Variants in SPIRE2 observed in about 807,000 individuals in gnomAD.
SPIRE2 encodes protein spire homolog 2.
SPIRE2 carries 76 observed loss-of-function variants against 80.7 expected under a neutral mutation model. That is an observed-to-expected ratio of 0.94 (90% CI 0.78 to 1.14). The LOEUF (loss-of-function observed/expected upper bound fraction) is 1.14. Ranked by LOEUF, SPIRE2 falls within the 50% of genes most tolerant of loss-of-function variation. SPIRE2 has a pLI of 0.00. For missense variants in SPIRE2, 1,196 were observed against 1,015.3 expected, an observed-to-expected ratio of 1.18 and a Z score of -2.42; for synonymous variants, 535 against 432.6, an observed-to-expected ratio of 1.24 and a Z score of -2.94.
intron 12 of SPIRE2, 145 bp downstream of exon 12, chr16:89,864,006 G>C: frequency 1.7e-6 from 1 of 591,136 alleles, no homozygotes. Flanking sequence ...TGGTTAGTAC[G>C]AATGAGGAGT....
At chr16:89,849,922 C>G (rs1211508546) in intron 2 of SPIRE2, 4 of 363,880 alleles carry the variant, frequency 1.1e-5, no homozygotes, top group African/African-American at 2.1e-5. Flanking sequence ...ACTGCAACCT[C>G]CACCTCCCAG....
chr16:89,857,330 C>A (rs1212134528), intron 7 of SPIRE2, among the ~76,000 whole-genome samples: 1 of 151,494 alleles, frequency 6.6e-6, no homozygotes, highest in African/African-American at 2.4e-5. Flanking sequence ...GAGACAGGGT[C>A]TCACTCTGTT....
rs2041827635 is a variant in SPIRE2 at position 89,870,184 on chromosome 16, G to C, written c.2057G>C (p.Ser686Thr). Residue 686 changes from serine to threonine, a missense_variant, in exon 15 of 15, where the codon AGC (serine) becomes ACC (threonine). By Grantham distance (58) the Ser-to-Thr change is moderately conservative. Coordinates refer to ENST00000378247, the MANE Select transcript of SPIRE2 (RefSeq NM_032451.2). Reference protein sequence around the residue: ...VADVVRSSRKSVDVLNTTPRR... With the variant: ...VADVVRSSRKTVDVLNTTPRR... ...GACGTGGTGCGTTCCAGCCGCAAGA[G>C]CGTGGACGTCCTCAACACTACGCCA... 1.2e-6 allele frequency: 2 copies of C among 1,610,532 alleles called. No individual in the cohort carries two copies. Among genetic ancestry groups the C allele is most frequent in the Non-Finnish European group, 1.7e-6 (2 of 1,178,548 alleles).
intron 1 of SPIRE2, among the ~76,000 whole-genome samples, chr16:89,832,560 C>T (rs1048361102): frequency 1.3e-5 from 2 of 152,050 alleles, no homozygotes; most frequent in Non-Finnish European, 2.9e-5. Context: ...CTGTTAGCAG[C>T]TTCCTGACTC....
intron 1 of SPIRE2, among the ~76,000 whole-genome samples, chr16:89,831,920 C>T (rs1186410495): frequency 7.2e-6 from 1 of 139,394 alleles, no homozygotes; most frequent in Non-Finnish European, 1.7e-5. Context: ...CTGTTCATCT[C>T]GCGGCCTGTG....
chr16:89,832,465 G>A (rs1229119234), intron 1 of SPIRE2, among the ~76,000 whole-genome samples: 6 of 152,198 alleles, frequency 3.9e-5, no homozygotes, highest in Non-Finnish European at 8.8e-5. Context: ...TGCTCCCAGA[G>A]GAGATAATAT....
chr16:89,837,129 A>G (rs890914015), intron 1 of SPIRE2, among the ~76,000 whole-genome samples: 12 of 152,160 alleles, frequency 7.9e-5, no homozygotes, highest in African/African-American at 2.9e-4. Flanking sequence ...TCCCTCGAGC[A>G]GGACTCGAGG....
rs1297375172 is a variant in SPIRE2 at position 89,855,768 on chromosome 16, C to T, written c.978+82C>T. On this transcript the variant is annotated intron_variant, in intron 6 of 14. Transcript: ENST00000378247. ...AGCCAGCCTGGGAGGTGTCCCAGCA[C>T]GTCTTCCTGTGGCCAGCCTGGGAGG... The T allele has an allele frequency of 2.9e-5, 40 of 1,401,778 alleles. No homozygotes were observed. The South Asian group carries it at 3.7e-4, about 13-fold the overall frequency. 86.8% of individuals were successfully genotyped at this position (1,401,778 alleles called of 1,614,324 possible).
intron 2 of SPIRE2, chr16:89,845,572 G>A: frequency 1.4e-6 from 1 of 705,732 alleles, no homozygotes; most frequent in Non-Finnish European, 2.6e-6. Flanking sequence ...GGTGGGGAGG[G>A]TCCCCGTGGT....
chr16:89,829,324 T>C (rs2041357368), intron 1 of SPIRE2, among the ~76,000 whole-genome samples: 1 of 152,164 alleles, frequency 6.6e-6, no homozygotes, highest in South Asian at 2.1e-4. Context: ...ACCTGCTTGG[T>C]GTTTCTATTC....
chr16:89,836,118 T>C (rs1449536138), intron 1 of SPIRE2: 2 of 443,870 alleles, frequency 4.5e-6, no homozygotes, highest in African/African-American at 4.0e-5. Flanking sequence ...GAGGTTGTAG[T>C]GAGTCGAGAT....
intron 2 of SPIRE2, 168 bp from the exon 3 acceptor site, chr16:89,850,136 G>A (rs1196593497): frequency 2.7e-6 from 2 of 728,660 alleles, no homozygotes; most frequent in African/African-American, 3.5e-5. Context: ...GCGCCCGGCC[G>A]GGAACATCCT....
chr16:89,833,005 T>G (rs959753600), intron 1 of SPIRE2, among the ~76,000 whole-genome samples: 1 of 144,516 alleles, frequency 6.9e-6, no homozygotes, highest in African/African-American at 2.6e-5. Context: ...TTTTTTTTTT[T>G]TGTGAGACAG....
Position 89,850,458 on chromosome 16 carries a change from G to T in SPIRE2, c.443G>T (p.Gly148Val). The T allele has an allele frequency of 1.3e-6, 2 of 1,562,706 alleles. No homozygotes were observed. Among genetic ancestry groups the T allele is most frequent in the Admixed American group, 1.8e-5 (1 of 54,358 alleles). ...EDSGCGAADE[G>V]YGGPEEEEEA... ...AGCGGCTGCGGTGCCGCCGATGAGGGCTACGGGGGTCCCGAGGAGGAGGAG... is the reference window on the plus strand; with the variant it reads ...AGCGGCTGCGGTGCCGCCGATGAGGTCTACGGGGGTCCCGAGGAGGAGGAG... Residue 148 changes from glycine (G) to valine (V), a missense_variant, in exon 3 of 15, where the codon GGC becomes GTC. By Grantham distance (109) the Gly-to-Val change is moderately radical (BLOSUM62 -3). Transcript: ENST00000378247.
intron 9 of SPIRE2, among the ~76,000 whole-genome samples, chr16:89,860,044 T>A (rs2041729064): frequency 6.6e-6 from 1 of 152,116 alleles, no homozygotes; most frequent in Admixed American, 6.5e-5. Context: ...CCTGGAGCTG[T>A]GCCTCAGCCT....
intron 1 of SPIRE2, among the ~76,000 whole-genome samples, chr16:89,832,310 A>C (rs1462337428): frequency 1.3e-5 from 2 of 152,246 alleles, no homozygotes; most frequent in African/African-American, 4.8e-5. Flanking sequence ...GGGCCTCCTC[A>C]GTGGCCAGGA....
At chr16:89,841,774 C>T (rs902776358) in intron 1 of SPIRE2, among the ~76,000 whole-genome samples, 3 of 151,554 alleles carry the variant, frequency 2.0e-5, no homozygotes, top group Non-Finnish European at 2.9e-5. Context: ...CTCGGCTCAC[C>T]GCAACCTCCA....
At chr16:89,831,627 G>A (rs2041383621) in intron 1 of SPIRE2, among the ~76,000 whole-genome samples, 1 of 150,632 alleles carries the variant, frequency 6.6e-6, no homozygotes, top group Admixed American at 6.6e-5. Flanking sequence ...TCGATCTCCT[G>A]ACCTCATGAT....
intron 3 of SPIRE2, among the ~76,000 whole-genome samples, chr16:89,853,666 A>C (rs2041658542): frequency 1.3e-5 from 2 of 151,854 alleles, no homozygotes; most frequent in African/African-American, 4.8e-5. Flanking sequence ...GTGCTTCTCT[A>C]GAGTTGGGAC....
Sources: gnomAD v4.1 joint callset for allele counts (sites outside exome capture counted in the v4.1 genomes callset) on GRCh38, gnomAD v4.1.1 for gene constraint, MANE v1.5 for transcripts, NCBI Gene and HGNC (gene_info 2026-07-23, HGNC 2026-07-21) for gene names.